The following ZNF469 variants were observed in gnomAD, a reference collection of about 807,000 sequenced individuals.
ZNF469 encodes zinc finger protein 469.
ZNF469 carries 1 observed loss-of-function variant against 1.0 expected under a neutral mutation model. The observed-to-expected ratio is 1.00, with a 90% CI of 0.35 to 4.73. The LOEUF (loss-of-function observed/expected upper bound fraction) is 4.73. Ranked by LOEUF, ZNF469 falls within the 30% of genes most tolerant of loss-of-function variation. The probability of loss-of-function intolerance (pLI) is 0.16; values close to 1 mark genes in which losing one functional copy is unlikely to be tolerated. For missense variants in ZNF469, 6,100 were observed against 5,356.3 expected (o/e 1.14, Z -4.33); for synonymous variants, 2,703 against 2,363.4 (o/e 1.14, Z -4.17).
the ZNF469 span, among the ~76,000 whole-genome samples, chr16:88,219,517 G>A: frequency 6.8e-6 from 1 of 146,040 alleles, no homozygotes; most frequent in East Asian, 2.0e-4. Flanking sequence ...AAGCAATGGG[G>A]AAAGGATTCC....
rs1906453567 is a variant in ZNF469 at position 88,434,806 on chromosome 16, C to T, written c.7336C>T (p.Gln2446Ter). The T allele has an allele frequency of 6.5e-7, 1 of 1,550,358 alleles. No individual in the cohort carries two copies. The highest frequency in any genetic ancestry group is 8.7e-7 in the Non-Finnish European group (1 of 1,146,976). ...CCCCCTCGGCCCCCAAGACCTCAAA[C>T]AGAGGTCCCGTGGCTATAAAAAGAA... ...GDPLGPQDLK[Q>*]RSRGYKKKPA... The change falls in exon 3 of 3, where the codon CAG (glutamine) becomes TAG (stop). Residue 2446 changes from glutamine (Q) to a stop codon, truncating the protein, a stop_gained. Transcript: ENST00000565624. LOFTEE classifies it low-confidence loss of function (END_TRUNC).
the ZNF469 span, among the ~76,000 whole-genome samples, chr16:88,345,833 GC>G: frequency 1.3e-5 from 2 of 152,120 alleles, no homozygotes; most frequent in African/African-American, 2.4e-5. Context: ...CGCCCGCCAG[GC>G]CCCACCGAGG....
chr16:88,341,156 T>A, the ZNF469 span, among the ~76,000 whole-genome samples: 15 of 152,214 alleles, frequency 9.9e-5, no homozygotes, highest in African/African-American at 3.6e-4. Flanking sequence ...TCTACCTATT[T>A]TGTACAATCC....
Position 88,437,379 on chromosome 16 carries a change from C to G in ZNF469, c.9909C>G (p.Gly3303=), listed in dbSNP as rs1285198083. 2 of 1,536,692 alleles carry G rather than the reference C, an allele frequency of 1.3e-6. No homozygotes were observed. The highest frequency in any genetic ancestry group is 2.4e-5 in the South Asian group (2 of 82,768). Reference sequence around the variant, plus strand: ...CCCTGGCTGACGCCGGCAGCCCGGGCCCCCCCAGGACGACCCCCAGCCCGT... The same window carrying G: ...CCCTGGCTGACGCCGGCAGCCCGGGGCCCCCCAGGACGACCCCCAGCCCGT... The part of the protein sequence containing the change: ...ATALADAGSP[G]PPRTTPSPSP... The change falls in exon 3 of 3, where the codon GGC becomes GGG. Residue 3303 remains glycine, a synonymous_variant. Transcript: ENST00000565624.
the ZNF469 span, among the ~76,000 whole-genome samples, chr16:88,327,555 G>T: frequency 3.4e-5 from 5 of 148,998 alleles, no homozygotes; most frequent in South Asian, 2.1e-4. Context: ...GTTGGGGTTG[G>T]GGGGGGGTCT....
chr16:88,109,056 G>T, the ZNF469 span, among the ~76,000 whole-genome samples: 6 of 152,194 alleles, frequency 3.9e-5, no homozygotes, highest in Non-Finnish European at 7.3e-5. Context: ...GACTTGTTAC[G>T]CAAAAGCAGA....
the ZNF469 span, among the ~76,000 whole-genome samples, chr16:88,235,690 G>C: frequency 6.8e-6 from 1 of 147,250 alleles, no homozygotes; most frequent in African/African-American, 2.6e-5. Context: ...ACCAAACCGT[G>C]GTTCCCCATG....
the ZNF469 span, among the ~76,000 whole-genome samples, chr16:88,174,067 A>G: frequency 2.0e-5 from 3 of 152,196 alleles, no homozygotes; most frequent in Non-Finnish European, 4.4e-5. Flanking sequence ...GATACAGTAA[A>G]GAAGGAAGAC....
the ZNF469 span, among the ~76,000 whole-genome samples, chr16:88,145,960 C>T: frequency 1.3e-5 from 2 of 152,352 alleles, no homozygotes; most frequent in Admixed American, 1.3e-4. Flanking sequence ...GGAATTTTCC[C>T]AGCCGGCCTC....
At chr16:88,398,535 G>C (rs1339850973) in intron 1 of ZNF469, among the ~76,000 whole-genome samples, 1 of 149,418 alleles carries the variant, frequency 6.7e-6, no homozygotes, top group Non-Finnish European at 1.5e-5. Context: ...CAGATGAGGG[G>C]TGTGTGAGCC....
At chr16:88,312,961 G>A in the ZNF469 span, among the ~76,000 whole-genome samples, 3 of 151,114 alleles carry the variant, frequency 2.0e-5, no homozygotes, top group South Asian at 2.2e-4. Flanking sequence ...AACTTACTTA[G>A]TTCCAGAAAT....
At chr16:88,274,089 C>T in the ZNF469 span, among the ~76,000 whole-genome samples, 1 of 152,236 alleles carries the variant, frequency 6.6e-6, no homozygotes, top group Non-Finnish European at 1.5e-5. Context: ...AGGCGTGAGC[C>T]ACCGCGCCTG....
At chr16:88,162,363 C>CAA in the ZNF469 span, among the ~76,000 whole-genome samples, 59 of 124,090 alleles carry the variant, frequency 4.8e-4, no homozygotes, top group African/African-American at 1.6e-3. Context: ...AGACATTCTT[C>CAA]AAAAAAAAAA....
chr16:88,280,749 T>C, the ZNF469 span, among the ~76,000 whole-genome samples: 1 of 151,460 alleles, frequency 6.6e-6, no homozygotes, highest in Admixed American at 6.6e-5. Flanking sequence ...GTTGCACGTG[T>C]TGGTGCTGTG....
the ZNF469 span, among the ~76,000 whole-genome samples, chr16:88,101,584 G>T: frequency 1.2e-4 from 18 of 151,948 alleles, no homozygotes; most frequent in African/African-American, 4.1e-4. Flanking sequence ...AAGTGTGGAG[G>T]CAGAAGGGCT....
rs1257925231 is a variant in ZNF469 at position 88,437,462 on chromosome 16, C to A, written c.9992C>A (p.Ala3331Asp). The change falls in exon 3 of 3, where the codon GCC (alanine) becomes GAC (aspartate). Residue 3331 changes from alanine (A) to aspartate (D), a missense_variant. Physicochemically the swap from Ala to Asp is moderately radical, Grantham distance 126. Transcript: ENST00000565624. ...CTGCAAGCCACCCCGGTGCACGAGG[C>A]CTGCAAGGACCCCTCCCGCGACTGC... ...PLLQATPVHE[A>D]CKDPSRDCHH... 5.2e-6 allele frequency: 8 copies of A among 1,532,840 alleles called. 2 individuals are homozygous for A. The South Asian group carries it at 9.6e-5, about 18-fold the overall frequency. The allele number at this position is 1,532,840 out of a possible 1,614,324, so 95.0% of individuals were successfully genotyped here.
At chr16:88,291,275 C>CAGGG in the ZNF469 span, among the ~76,000 whole-genome samples, 24 of 152,200 alleles carry the variant, frequency 1.6e-4, no homozygotes, top group Non-Finnish European at 2.9e-4. Flanking sequence ...GTCTGCCCAG[C>CAGGG]AGGGACTCCA....
chr16:88,235,772 G>A, the ZNF469 span, among the ~76,000 whole-genome samples: 2 of 152,262 alleles, frequency 1.3e-5, no homozygotes, highest in African/African-American at 4.8e-5. Context: ...CCAGATGTGA[G>A]GAGCGTGACC....
the ZNF469 span, among the ~76,000 whole-genome samples, chr16:88,336,272 C>T: frequency 1.3e-5 from 2 of 150,878 alleles, no homozygotes; most frequent in Non-Finnish European, 2.9e-5. Flanking sequence ...CATGTTCATC[C>T]TTCATGTGAG....
Sources: gnomAD v4.1 joint callset for allele counts (sites outside exome capture counted in the v4.1 genomes callset) on GRCh38, gnomAD v4.1.1 for gene constraint, MANE v1.5 for transcripts, NCBI Gene and HGNC (gene_info 2026-07-23, HGNC 2026-07-21) for gene names.